Variants in LPAR1 observed in about 807,000 individuals in gnomAD.
The protein encoded by LPAR1 is LPA receptor 1.
Under a neutral mutation model 23.8 loss-of-function variants are expected in LPAR1, and 5 were observed. That is an observed-to-expected ratio of 0.21 (90% CI 0.11 to 0.44). The LOEUF is 0.44. Among genes scored for constraint, LPAR1 ranks in the 20% least tolerant of loss-of-function variants. The pLI is 0.99. For synonymous variants in LPAR1, 160 were observed against 164.7 expected, an observed-to-expected ratio of 0.97 and a Z score of 0.22; for missense variants, 311 against 482.8, an observed-to-expected ratio of 0.64 and a Z score of 3.33.
intron 5 of LPAR1, among the ~76,000 whole-genome samples, chr9:110,923,707 A>AT (rs1483065866): frequency 3.9e-5 from 6 of 152,176 alleles, no homozygotes; most frequent in Admixed American, 3.9e-4. Context: ...TGTGTCTCTC[A>AT]TTTAACACGC....
At chr9:110,918,753 C>G (rs1442604882) in intron 5 of LPAR1, among the ~76,000 whole-genome samples, 3 of 152,222 alleles carry the variant, frequency 2.0e-5, no homozygotes, top group African/African-American at 7.2e-5. Context: ...ATGATACATT[C>G]TTTAACAGAT....
At chr9:111,032,881 C>T (rs1357551658) in intron 2 of LPAR1, among the ~76,000 whole-genome samples, 1 of 152,178 alleles carries the variant, frequency 6.6e-6, no homozygotes, top group Non-Finnish European at 1.5e-5. Flanking sequence ...GGAAATCCCA[C>T]CCATGGCCAG....
chr9:111,025,909 T>A (rs963460500), intron 2 of LPAR1, among the ~76,000 whole-genome samples: 1 of 152,070 alleles, frequency 6.6e-6, no homozygotes, highest in Non-Finnish European at 1.5e-5. Flanking sequence ...GGTCTTTATA[T>A]CTGTTTTGGT....
rs548603385 is a variant in LPAR1, at chr9:110,941,514, G to A, written c.700C>T (p.Gln234Ter). ...LYAHIFGYVR[Q>*]RTMRMSRHSS... is the part of the protein sequence containing the mutation. ...TGCCGAGACATTCTCATAGTCCTCTGGCGAACATAGCCAAAGATGTGAGCA... is the reference window on the plus strand; with the variant it reads ...TGCCGAGACATTCTCATAGTCCTCTAGCGAACATAGCCAAAGATGTGAGCA... The change falls in exon 5 of 6, where the codon CAG (glutamine) becomes TAG (stop). Residue 234 changes from glutamine (Q) to a stop codon, truncating the protein, a stop_gained. Transcript: ENST00000683809. LOFTEE classifies it high-confidence loss of function. The surrounding 1 kb of genome is among the most constrained non-coding windows in gnomAD (Gnocchi z 6.1). 6.2e-7 allele frequency: 1 copy of A among 1,614,104 alleles called. No homozygotes were observed. Among genetic ancestry groups the A allele is most frequent in the South Asian group, 1.1e-5 (1 of 91,074 alleles).
At chr9:110,975,652 G>GA (rs1323769405) in intron 2 of LPAR1, among the ~76,000 whole-genome samples, 10 of 152,184 alleles carry the variant, frequency 6.6e-5, no homozygotes, top group Non-Finnish European at 1.0e-4. Context: ...AAAGTAGGAT[G>GA]AAAGTCAGAT....
intron 5 of LPAR1, among the ~76,000 whole-genome samples, chr9:110,897,269 T>C (rs1308508800): frequency 6.6e-6 from 1 of 152,088 alleles, no homozygotes; most frequent in Non-Finnish European, 1.5e-5. Flanking sequence ...TGATAGCAAA[T>C]GGGTCTCATG....
chr9:110,893,995 T>C (rs2085414583), intron 5 of LPAR1, among the ~76,000 whole-genome samples: 2 of 152,324 alleles, frequency 1.3e-5, no homozygotes, highest in South Asian at 4.1e-4. Flanking sequence ...AATGCTTCAT[T>C]AGAATAAATT....
intron 5 of LPAR1, among the ~76,000 whole-genome samples, chr9:110,903,056 A>T (rs1450909028): frequency 6.6e-6 from 1 of 152,224 alleles, no homozygotes; most frequent in African/African-American, 2.4e-5. Context: ...CTACTAAAAC[A>T]AAAGATTTAA....
chr9:111,032,297 T>C (rs2141620952), intron 2 of LPAR1, among the ~76,000 whole-genome samples: 1 of 152,216 alleles, frequency 6.6e-6, no homozygotes, highest in Non-Finnish European at 1.5e-5. Context: ...TCCTTCCAGA[T>C]CCTAACCTTC....
chr9:110,948,405 G>A (rs2095458952), intron 4 of LPAR1, among the ~76,000 whole-genome samples: 1 of 152,096 alleles, frequency 6.6e-6, no homozygotes, highest in Non-Finnish European at 1.5e-5. Flanking sequence ...TATGCAACTA[G>A]TAAATTTTAG....
At chr9:110,976,383 G>A (rs369617138) in intron 2 of LPAR1, among the ~76,000 whole-genome samples, 26 of 151,806 alleles carry the variant, frequency 1.7e-4, no homozygotes, top group African/African-American at 5.8e-4. Flanking sequence ...GCAGGCGCCT[G>A]TAATCCCAGC....
intron 5 of LPAR1, among the ~76,000 whole-genome samples, chr9:110,939,402 G>A (rs559285001): frequency 1.3e-5 from 2 of 152,172 alleles, no homozygotes; most frequent in South Asian, 2.1e-4. Context: ...ACCTATCACC[G>A]TGACGGGGTT....
At position 110,875,477 on chromosome 9, in the gene LPAR1, A is replaced by T. The variant is rs2078859300; in HGVS notation, c.1039T>A (p.Ser347Thr). 1 of 1,613,870 alleles carries T rather than the reference A, an allele frequency of 6.2e-7. No individual in the cohort carries two copies. Among genetic ancestry groups the T allele is most frequent in the Admixed American group, 1.7e-5 (1 of 59,986 alleles). ...PTEGSDRSAS[S>T]LNHTILAGVH... ...CCAGCCAAGATGGTGTGGTTGAGGG[A>T]GGAAGCCGAGCGGTCTGAGCCTTCT... The change falls in exon 6 of 6, where the codon TCC (serine) becomes ACC (threonine). Residue 347 changes from serine to threonine, a missense_variant. Coordinates refer to ENST00000683809, the MANE Select transcript of LPAR1 (RefSeq NM_001351411.2).
At chr9:110,961,617 C>CAAA (rs57773067) in intron 4 of LPAR1, among the ~76,000 whole-genome samples, 160 of 79,716 alleles carry the variant, frequency 2.0e-3, no homozygotes, top group African/African-American at 3.5e-3. Context: ...GAGACTATCT[C>CAAA]AAAAAAAAAA....
intron 5 of LPAR1, among the ~76,000 whole-genome samples, chr9:110,911,745 A>G (rs1269126637): frequency 6.6e-6 from 1 of 152,198 alleles, no homozygotes; most frequent in Non-Finnish European, 1.5e-5. Context: ...TTAATAGACT[A>G]TATTACAAAC....
intron 2 of LPAR1, among the ~76,000 whole-genome samples, chr9:110,980,757 T>C (rs2096650261): frequency 6.6e-6 from 1 of 151,980 alleles, no homozygotes; most frequent in African/African-American, 2.4e-5. Flanking sequence ...TTGTATTTTT[T>C]CAAATAGCTA....
At chr9:111,030,453 G>A (rs924972925) in intron 2 of LPAR1, among the ~76,000 whole-genome samples, 3 of 152,082 alleles carry the variant, frequency 2.0e-5, no homozygotes, top group African/African-American at 4.8e-5. Context: ...CCAAGGCGGG[G>A]GTCCTCACTG....
intron 2 of LPAR1, among the ~76,000 whole-genome samples, chr9:111,034,033 A>G (rs1469530510): frequency 1.3e-5 from 2 of 152,230 alleles, no homozygotes. Context: ...CCTCTCCCAA[A>G]TGGATCCCAC....
At chr9:111,038,803 G>C (rs911685377), upstream of LPAR1, 4 of 327,354 alleles carry the variant, frequency 1.2e-5, no homozygotes, top group African/African-American at 2.3e-5. The surrounding 1 kb of genome is among the most constrained non-coding windows in gnomAD (Gnocchi z 4.4). Context: ...CCCCCGAGTC[G>C]ACACACCCGC....
Sources: allele counts gnomAD v4.1 joint callset (sites outside exome capture counted in the v4.1 genomes callset), GRCh38; gene constraint gnomAD v4.1.1; non-coding constraint Gnocchi (gnomAD v3.1); transcripts MANE v1.5; gene names NCBI Gene and HGNC (gene_info 2026-07-23, HGNC 2026-07-21).